PALLD: variants seen among roughly 807,000 people sequenced by gnomAD.
PALLD encodes the protein palladin, cytoskeletal associated protein.
In PALLD, 61 loss-of-function variants were observed where a neutral mutation model predicts 123.5. The observed-to-expected ratio is 0.49, with a 90% CI of 0.40 to 0.61. The LOEUF is 0.61. PALLD is among the 20% of genes least tolerant of loss of function. The probability of loss-of-function intolerance (pLI) is 0.00; values close to 1 mark genes in which losing one functional copy is unlikely to be tolerated. For synonymous variants in PALLD, 465 were observed against 496.4 expected, an observed-to-expected ratio of 0.94 and a Z score of 0.84; for missense variants, 1,273 against 1,377.0, an observed-to-expected ratio of 0.92 and a Z score of 1.20.
At chr4:168,674,660 C>T (rs1780653664) in intron 3 of PALLD, among the ~76,000 whole-genome samples, 1 of 152,028 alleles carries the variant, frequency 6.6e-6, no homozygotes, top group Admixed American at 6.6e-5. Context: ...ATGTTGTCAG[C>T]GATTTTAGCA....
At chr4:168,703,076 A>G (rs1783851278) in intron 8 of PALLD, among the ~76,000 whole-genome samples, 1 of 116,680 alleles carries the variant, frequency 8.6e-6, no homozygotes, top group Non-Finnish European at 1.7e-5. Context: ...ACCCCACAAC[A>G]GTCCCCAGAG....
intron 5 of PALLD, 112 bp from the exon 6 acceptor site, chr4:168,685,373 C>A: frequency 3.9e-6 from 3 of 775,904 alleles, no homozygotes; most frequent in Non-Finnish European, 7.0e-6. Flanking sequence ...GTGGTACTTT[C>A]ATTCACTCAT....
chr4:168,641,385 C>A (rs1036006601), intron 2 of PALLD, among the ~76,000 whole-genome samples: 13 of 151,948 alleles, frequency 8.6e-5, no homozygotes, highest in African/African-American at 2.9e-4. Context: ...TAGGCCAGAC[C>A]CTTTAAATAC....
intron 10 of PALLD, among the ~76,000 whole-genome samples, chr4:168,746,989 C>T (rs752135406): frequency 5.9e-5 from 9 of 152,062 alleles, no homozygotes; most frequent in Admixed American, 6.6e-5. Context: ...TGAAAGACAG[C>T]GATAAAGTAC....
intron 15 of PALLD, among the ~76,000 whole-genome samples, chr4:168,913,190 G>A (rs1759376052): frequency 6.7e-6 from 1 of 148,696 alleles, no homozygotes; most frequent in South Asian, 2.1e-4. Flanking sequence ...AGGCTGGAGT[G>A]CAGTGGCACC....
chr4:168,925,551 A>C lies in PALLD; in HGVS notation c.*32+273A>C, dbSNP rs190614869. 2.0e-4 allele frequency among the ~76,000 whole-genome samples: 30 copies of C among 152,222 alleles called. No individual in the cohort carries two copies. The East Asian group carries it at 4.4e-3, about 23-fold the overall frequency. Reference sequence around the variant, plus strand: ...ACTTTTGTGGCTTAGTGCTTTTCTCATTAATATATCTTAAGCAGCCAGCAG... The same window carrying C: ...ACTTTTGTGGCTTAGTGCTTTTCTCCTTAATATATCTTAAGCAGCCAGCAG... On this transcript the variant is annotated intron_variant, in intron 21 of 21. Coordinates refer to ENST00000505667, the MANE Select transcript of PALLD (RefSeq NM_001166108.2).
At chr4:168,918,553 A>T (rs1266084960) in intron 17 of PALLD, among the ~76,000 whole-genome samples, 1 of 152,182 alleles carries the variant, frequency 6.6e-6, no homozygotes, top group Non-Finnish European at 1.5e-5. Flanking sequence ...AGTTGGGGAA[A>T]TGTTAGTCAA....
intron 2 of PALLD, among the ~76,000 whole-genome samples, chr4:168,665,044 G>A (rs1779499674): frequency 1.3e-5 from 2 of 152,146 alleles, no homozygotes; most frequent in South Asian, 4.1e-4. Context: ...TTTAATGATT[G>A]TGTTAAAAAA....
rs189577506 is a variant in PALLD, at chr4:168,854,336, G to A, written c.1965-36586G>A. On this transcript the variant is annotated intron_variant, in intron 10 of 21. Coordinates refer to ENST00000505667, the MANE Select transcript of PALLD (RefSeq NM_001166108.2). ...ACAAGCTGGTCAGGGATGGTAGGAC[G>A]GTCTAGGTTTCTTAGACTGGAATGT... Among the ~76,000 whole-genome samples, 311 of 152,312 alleles carry A rather than the reference G, an allele frequency of 2.0e-3. 1 individual carries two copies. The highest frequency in any genetic ancestry group is 6.5e-3 in the African/African-American group (269 of 41,572).
chr4:168,594,324 G>A (rs1272641290), intron 2 of PALLD, among the ~76,000 whole-genome samples: 1 of 152,136 alleles, frequency 6.6e-6, no homozygotes. Flanking sequence ...GCATGTGAAA[G>A]CTTAGAATAA....
intron 2 of PALLD, chr4:168,598,269 C>A: frequency 2.4e-6 from 1 of 415,728 alleles, no homozygotes; most frequent in Non-Finnish European, 4.8e-6. Flanking sequence ...GATGCCTCAC[C>A]AAAATATTCT....
chr4:168,898,724 G>A lies in PALLD; in HGVS notation c.2472+10G>A. On this transcript the variant is annotated intron_variant, in intron 14 of 21. Coordinates refer to ENST00000505667, the MANE Select transcript of PALLD (RefSeq NM_001166108.2). ...AAATCCAAAGCCAAAGGTGAGCTGG[G>A]AGATGGAGGCTTTTTAAGAGTCATT... The A allele has an allele frequency of 6.3e-7, 1 of 1,576,012 alleles. No homozygotes were observed. Among genetic ancestry groups the A allele is most frequent in the Non-Finnish European group, 8.7e-7 (1 of 1,145,186 alleles).
At chr4:168,530,243 A>T (rs1395610419) in intron 2 of PALLD, among the ~76,000 whole-genome samples, 1 of 152,218 alleles carries the variant, frequency 6.6e-6, no homozygotes, top group Non-Finnish European at 1.5e-5. Context: ...CAACCTTCTC[A>T]TTAAACAAAA....
intron 2 of PALLD, among the ~76,000 whole-genome samples, chr4:168,566,124 A>T (rs933893721): frequency 1.3e-5 from 2 of 152,190 alleles, no homozygotes; most frequent in Admixed American, 1.3e-4. Context: ...ATCATCCCAC[A>T]GAAAATATTC....
At chr4:168,564,703 T>C (rs1289540753) in intron 2 of PALLD, among the ~76,000 whole-genome samples, 2 of 152,184 alleles carry the variant, frequency 1.3e-5, no homozygotes, top group Admixed American at 1.3e-4. Flanking sequence ...CTATTATATA[T>C]GCACAAAATG....
intron 10 of PALLD, chr4:168,878,439 G>C (rs912190409): frequency 3.6e-6 from 5 of 1,393,394 alleles, no homozygotes; most frequent in Non-Finnish European, 4.7e-6. Flanking sequence ...CCTCCGCCTC[G>C]GGTCGCCCTG....
chr4:168,835,945 G>A (rs1211857511), intron 10 of PALLD, among the ~76,000 whole-genome samples: 2 of 152,214 alleles, frequency 1.3e-5, no homozygotes, highest in African/African-American at 4.8e-5. Flanking sequence ...GAGAGCCTGA[G>A]GTGTCAGGGA....
chr4:168,547,067 A>G (rs760236516), intron 2 of PALLD, among the ~76,000 whole-genome samples: 22 of 151,896 alleles, frequency 1.4e-4, no homozygotes, highest in Non-Finnish European at 3.1e-4. Context: ...TACATTTTAG[A>G]GTTCTGATTC....
At chr4:168,720,358 T>C (rs4599370) in intron 10 of PALLD, among the ~76,000 whole-genome samples, 127,660 of 152,232 alleles carry the variant, frequency 0.84, 54,178 homozygotes, top group African/African-American at 0.96. Flanking sequence ...GCACCAGCTT[T>C]TGTTTCTGGT....
Sources: allele counts gnomAD v4.1 joint callset (sites outside exome capture counted in the v4.1 genomes callset), GRCh38; gene constraint gnomAD v4.1.1; transcripts MANE v1.5; gene names NCBI Gene and HGNC (gene_info 2026-07-23, HGNC 2026-07-21).